FGD4: variants seen among roughly 807,000 people sequenced by gnomAD.
The protein encoded by FGD4 is FYVE, RhoGEF and PH domain containing 4.
FGD4 carries 42 observed loss-of-function variants against 102.0 expected under a neutral mutation model. The ratio of observed to expected loss-of-function variants is 0.41; its 90% CI spans 0.32 to 0.53. FGD4 has a LOEUF of 0.53. Among genes scored for constraint, FGD4 ranks in the 20% least tolerant of loss-of-function variants. The pLI, the probability that FGD4 is intolerant of heterozygous loss-of-function variation, is 0.21. For synonymous variants in FGD4, 380 were observed against 375.7 expected, an observed-to-expected ratio of 1.01 and a Z score of -0.13; for missense variants, 902 against 1,078.2, an observed-to-expected ratio of 0.84 and a Z score of 2.29.
intron 1 of FGD4, among the ~76,000 whole-genome samples, chr12:32,430,606 G>A (rs953539536): frequency 6.8e-6 from 1 of 147,000 alleles, no homozygotes; most frequent in Admixed American, 6.9e-5. Context: ...AACTGTAATG[G>A]ATGGATATAT....
At chr12:32,480,757 C>T (rs576329271) in intron 1 of FGD4, among the ~76,000 whole-genome samples, 110 of 150,908 alleles carry the variant, frequency 7.3e-4, no homozygotes, top group Non-Finnish European at 1.1e-3. Context: ...CCTTGGCCCC[C>T]CAAAGTGCTG....
rs555078798 is a variant in FGD4, at chr12:32,435,036, C to T, written c.166+35077C>T. ...TTGGCTCACCGCTACCTCTGCCTCC[C>T]GGGTTCAAGTGATTCTCCTGTCTCA... On this transcript the variant is annotated intron_variant, in intron 1 of 16. Coordinates refer to ENST00000534526, the MANE Select transcript of FGD4 (RefSeq NM_001370298.3). Among the ~76,000 whole-genome samples the T allele has an allele frequency of 4.0e-3, 608 of 152,078 alleles. 8 individuals are homozygous for T. The highest frequency in any genetic ancestry group is 0.014 in the African/African-American group (572 of 41,486).
intron 10 of FGD4, among the ~76,000 whole-genome samples, chr12:32,619,313 TG>T (rs1949649574): frequency 6.6e-6 from 1 of 152,148 alleles, no homozygotes; most frequent in Non-Finnish European, 1.5e-5. Flanking sequence ...TTAGAATTTT[TG>T]TCTAGGGCTA....
intron 1 of FGD4, among the ~76,000 whole-genome samples, chr12:32,403,601 CTT>C (rs113831633): frequency 6.8e-4 from 97 of 143,522 alleles, no homozygotes; most frequent in African/African-American, 6.2e-4. Context: ...AAAACTCCAT[CTT>C]TTTTTTTTTT....
At chr12:32,505,580 G>C (rs10506088) in intron 1 of FGD4, among the ~76,000 whole-genome samples, 5,714 of 152,286 alleles carry the variant, frequency 0.038, 370 homozygotes, top group African/African-American at 0.13. Context: ...GATGTAGATT[G>C]TTGGAACCAT....
intron 8 of FGD4, among the ~76,000 whole-genome samples, chr12:32,608,831 G>T (rs1592391175): frequency 6.6e-6 from 1 of 152,154 alleles, no homozygotes; most frequent in Non-Finnish European, 1.5e-5. Context: ...TCTGTCATAA[G>T]TGAACCTGGA....
At chr12:32,473,396 C>A (rs1368897932) in intron 1 of FGD4, among the ~76,000 whole-genome samples, 1 of 152,086 alleles carries the variant, frequency 6.6e-6, no homozygotes, top group Admixed American at 6.5e-5. Context: ...GTCCAGCGAG[C>A]CCAGGAGCCC....
At chr12:32,567,292 C>T (rs1347942642) in intron 2 of FGD4, among the ~76,000 whole-genome samples, 8 of 152,142 alleles carry the variant, frequency 5.3e-5, no homozygotes, top group Non-Finnish European at 1.2e-4. Context: ...TCCTTTACTG[C>T]CAACACCACC....
intron 1 of FGD4, among the ~76,000 whole-genome samples, chr12:32,415,646 C>G (rs890322572): frequency 6.6e-6 from 1 of 152,116 alleles, no homozygotes; most frequent in Admixed American, 6.5e-5. Flanking sequence ...TTGTCTTGAT[C>G]TCCTGACCTC....
At chr12:32,473,674 C>CT (rs1469193686) in intron 1 of FGD4, among the ~76,000 whole-genome samples, 1 of 152,196 alleles carries the variant, frequency 6.6e-6, no homozygotes, top group Admixed American at 6.5e-5. Context: ...TCATCTCAAA[C>CT]TGAAGACCTA....
intron 1 of FGD4, among the ~76,000 whole-genome samples, chr12:32,477,202 C>T (rs990395765): frequency 2.6e-5 from 4 of 152,018 alleles, no homozygotes; most frequent in Non-Finnish European, 1.5e-5. Flanking sequence ...ACAGGAGAAT[C>T]GCTTGAACCC....
intron 1 of FGD4, among the ~76,000 whole-genome samples, chr12:32,539,428 G>A (rs1313986578): frequency 1.3e-5 from 2 of 152,132 alleles, no homozygotes; most frequent in African/African-American, 4.8e-5. Context: ...AATTAGCTGG[G>A]CGTAGTGGCA....
At chr12:32,512,648 A>G (rs1939500143) in intron 1 of FGD4, among the ~76,000 whole-genome samples, 1 of 152,112 alleles carries the variant, frequency 6.6e-6, no homozygotes, top group Non-Finnish European at 1.5e-5. Flanking sequence ...AGTAAATCCA[A>G]TAGCTTGCCT....
chr12:32,544,756 T>G lies in FGD4; in HGVS notation c.167-19381T>G, dbSNP rs1943107443. ...CAAAAAAAAAAAATTACTATTAAAA[T>G]TAGTCTTCATGGTGTTTTGGTGAAC... On this transcript the variant is annotated intron_variant, in intron 1 of 16. Transcript: ENST00000534526. The surrounding 1 kb of genome is among the most constrained non-coding windows in gnomAD (Gnocchi z 4.1). Among the ~76,000 whole-genome samples the G allele has an allele frequency of 6.6e-6, 1 of 152,068 alleles. No homozygotes were observed. Among genetic ancestry groups the G allele is most frequent in the Admixed American group, 6.6e-5 (1 of 15,258 alleles).
At chr12:32,496,316 A>G (rs4931632) in intron 1 of FGD4, among the ~76,000 whole-genome samples, 74,431 of 151,882 alleles carry the variant, frequency 0.49, 19,392 homozygotes, top group Middle Eastern at 0.68. Context: ...ATCTCAGACC[A>G]AAAATACGAA....
At chr12:32,412,572 T>G (rs541818162) in intron 1 of FGD4, among the ~76,000 whole-genome samples, 3 of 152,102 alleles carry the variant, frequency 2.0e-5, no homozygotes, top group Non-Finnish European at 4.4e-5. Context: ...AACCCAGAAG[T>G]TCAGGACCCG....
intron 1 of FGD4, among the ~76,000 whole-genome samples, chr12:32,444,745 G>A (rs1942562550): frequency 6.6e-6 from 1 of 152,132 alleles, no homozygotes; most frequent in Non-Finnish European, 1.5e-5. Context: ...CTTTCAAAAA[G>A]TGCTTAATTG....
chr12:32,630,812 C>CAAAAAAAAA (rs530800673), intron 14 of FGD4, among the ~76,000 whole-genome samples: 9 of 125,484 alleles, frequency 7.2e-5, no homozygotes, highest in African/African-American at 2.7e-4. Context: ...GAGACTATGT[C>CAAAAAAAAA]AAAAAAAAAA....
chr12:32,601,512 C>A, intron 6 of FGD4, 89 bp downstream of exon 6: 4 of 1,445,296 alleles, frequency 2.8e-6, no homozygotes, highest in Non-Finnish European at 3.7e-6. Context: ...CCACACACAA[C>A]TGTAACTAGA....
Sources: gnomAD v4.1 joint callset for allele counts (sites outside exome capture counted in the v4.1 genomes callset) on GRCh38, gnomAD v4.1.1 for gene constraint, Gnocchi (gnomAD v3.1) non-coding constraint, MANE v1.5 for transcripts, NCBI Gene and HGNC (gene_info 2026-07-23, HGNC 2026-07-21) for gene names.